Variants in ANKRD36 observed in about 807,000 individuals in gnomAD.
The protein encoded by ANKRD36 is ankyrin repeat domain-containing protein 36A.
ANKRD36 carries 179 observed loss-of-function variants against 278.1 expected under a neutral mutation model. That is an observed-to-expected ratio of 0.64 (90% confidence interval 0.57 to 0.73). The LOEUF is 0.73. ANKRD36 is among the 30% of genes least tolerant of loss of function. The pLI, the probability that ANKRD36 is intolerant of heterozygous loss-of-function variation, is 0.00. For synonymous variants in ANKRD36, 320 were observed against 641.1 expected (o/e 0.50, Z 7.57); for missense variants, 1,159 against 1,956.7 (o/e 0.59, Z 7.69).
chr2:97,158,058 A>C (rs2047915422), intron 15 of ANKRD36, 49 bp from the exon 16 acceptor site: 1 of 1,362,890 alleles, frequency 7.3e-7, no homozygotes, highest in Non-Finnish European at 1.0e-6. Context: ...GGCAATTATC[A>C]TTATTTTAAC....
intron 42 of ANKRD36, 59 bp from the exon 43 acceptor site, chr2:97,198,404 G>C: frequency 6.4e-7 from 1 of 1,554,502 alleles, no homozygotes; most frequent in African/African-American, 1.4e-5. Flanking sequence ...CTGTATGAAT[G>C]TATGGATAAT....
intron 34 of ANKRD36, 30 bp from the exon 35 acceptor site, chr2:97,190,948 A>G: frequency 3.1e-6 from 5 of 1,601,086 alleles, no homozygotes; most frequent in Non-Finnish European, 4.3e-6. Flanking sequence ...TTTATATATG[A>G]GTGATTATGT....
intron 36 of ANKRD36, among the ~76,000 whole-genome samples, chr2:97,191,780 T>C (rs1336543524): frequency 6.6e-6 from 1 of 151,662 alleles, no homozygotes; most frequent in Non-Finnish European, 1.5e-5. Flanking sequence ...CACAAGGAAA[T>C]ACTGGAAGTG....
In ANKRD36 at chr2:97,118,068, G is replaced by A. The variant is rs571299992; in HGVS notation, c.202G>A (p.Ala68Thr). The change falls in exon 2 of 76, where the codon GCC becomes ACC. Residue 68 changes from alanine (A) to threonine (T), a missense_variant. Transcript: ENST00000420699. ...AAAGTCCTGTCACTCTCACAGGACC[G>A]CCCTACATTTGGCCTGTGCCACTGG... ...ANKRDRKERT[A>T]LHLACATGQP... 5.0e-4 allele frequency: 781 copies of A among 1,553,382 alleles called. 33 individuals are homozygous for A. In the Admixed American group the frequency reaches 0.013, roughly 26 times the overall value.
At chr2:97,199,916 A>G (rs1304264012) in intron 44 of ANKRD36, among the ~76,000 whole-genome samples, 1 of 151,894 alleles carries the variant, frequency 6.6e-6, no homozygotes, top group Non-Finnish European at 1.5e-5. Context: ...AGCATGATGA[A>G]TGTTTGCAGT....
At chr2:97,138,686 T>C (rs2042135725) in intron 6 of ANKRD36, among the ~76,000 whole-genome samples, 1 of 152,008 alleles carries the variant, frequency 6.6e-6, no homozygotes, top group Admixed American at 6.6e-5. Flanking sequence ...CTTCAAAATA[T>C]ACTACAAGGC....
intron 67 of ANKRD36, among the ~76,000 whole-genome samples, chr2:97,228,017 G>A (rs1301849283): frequency 8.5e-5 from 13 of 152,100 alleles, no homozygotes; most frequent in African/African-American, 4.8e-5. Flanking sequence ...GCTTTTTGAT[G>A]TGCTGCTGGA....
At chr2:97,220,172 A>C (rs2067022931) in intron 66 of ANKRD36, among the ~76,000 whole-genome samples, 1 of 147,830 alleles carries the variant, frequency 6.8e-6, no homozygotes, top group Admixed American at 6.8e-5. Flanking sequence ...ACAGGCATAC[A>C]ATGTGTAATA....
intron 67 of ANKRD36, among the ~76,000 whole-genome samples, chr2:97,227,035 AG>A (rs1356737946): frequency 2.0e-5 from 3 of 152,110 alleles, no homozygotes; most frequent in African/African-American, 7.2e-5. Flanking sequence ...GTAGCCTTGT[AG>A]TATAGTTTGA....
At chr2:97,127,867 CT>C (rs931854219) in intron 6 of ANKRD36, among the ~76,000 whole-genome samples, 1 of 151,704 alleles carries the variant, frequency 6.6e-6, no homozygotes, top group African/African-American at 2.4e-5. Context: ...TTGATAGGGA[CT>C]TTTTTTTCCT....
intron 60 of ANKRD36, among the ~76,000 whole-genome samples, chr2:97,213,929 G>A (rs1459043616): frequency 2.0e-5 from 3 of 151,620 alleles, no homozygotes; most frequent in Non-Finnish European, 2.9e-5. Flanking sequence ...AAGGGTAGAA[G>A]GAGAAAGACA....
chr2:97,223,712 G>GA (rs1231494281), intron 66 of ANKRD36, among the ~76,000 whole-genome samples: 1 of 117,336 alleles, frequency 8.5e-6, no homozygotes, highest in Non-Finnish European at 1.7e-5. Flanking sequence ...AATTGAATCT[G>GA]AAGTATTGCA....
chr2:97,164,555 TC>T (rs1274224001), intron 20 of ANKRD36, 86 bp downstream of exon 20: 1 of 1,422,990 alleles, frequency 7.0e-7, no homozygotes, highest in Non-Finnish European at 9.5e-7. Context: ...CCACTTTTTA[TC>T]CAAGTGAGAT....
intron 32 of ANKRD36, among the ~76,000 whole-genome samples, chr2:97,187,996 G>A (rs1420222334): frequency 6.6e-6 from 1 of 151,636 alleles, no homozygotes; most frequent in African/African-American, 2.4e-5. Flanking sequence ...TTTGATTTTG[G>A]CAGCTCCAGG....
intron 42 of ANKRD36, among the ~76,000 whole-genome samples, chr2:97,198,102 G>A (rs2060295286): frequency 2.0e-5 from 3 of 151,888 alleles, no homozygotes; most frequent in Non-Finnish European, 2.9e-5. Flanking sequence ...AGACATGTGG[G>A]TACATGTAGC....
In ANKRD36 at chr2:97,199,698, G is replaced by A. The variant is rs1219881319; in HGVS notation, c.2756-636G>A. ...GCCAAGAGTGGATGAAGAAACTTTCGGAAGGGTAAACTAGTGGATACAAGA... is the reference window on the plus strand; with the variant it reads ...GCCAAGAGTGGATGAAGAAACTTTCAGAAGGGTAAACTAGTGGATACAAGA... On this transcript the variant is annotated intron_variant, in intron 44 of 75. Coordinates refer to ENST00000420699, the MANE Select transcript of ANKRD36 (RefSeq NM_001354587.1). 4.6e-5 allele frequency among the ~76,000 whole-genome samples: 7 copies of A among 151,852 alleles called. 1 individual carries two copies. Among genetic ancestry groups the A allele is most frequent in the Admixed American group, 2.0e-4 (3 of 15,210 alleles).
chr2:97,219,868 G>A (rs562085004), intron 66 of ANKRD36, among the ~76,000 whole-genome samples: 4 of 144,744 alleles, frequency 2.8e-5, no homozygotes, highest in East Asian at 2.1e-4. Context: ...AGTTTTTAGC[G>A]AATTAAAGAG....
At chr2:97,231,035 G>C (rs1288627281) in intron 67 of ANKRD36, among the ~76,000 whole-genome samples, 24 of 152,216 alleles carry the variant, frequency 1.6e-4, no homozygotes, top group African/African-American at 5.1e-4. Context: ...TGTGTGAGGT[G>C]TCAGTCTGCC....
chr2:97,158,204 T>G, intron 16 of ANKRD36, 37 bp downstream of exon 16: 1 of 1,398,278 alleles, frequency 7.2e-7, no homozygotes, highest in South Asian at 1.3e-5. Flanking sequence ...TATTATCTAC[T>G]GAATCTTTTT....
Sources: allele counts gnomAD v4.1 joint callset (sites outside exome capture counted in the v4.1 genomes callset), GRCh38; gene constraint gnomAD v4.1.1; transcripts MANE v1.5; gene names NCBI Gene and HGNC (gene_info 2026-07-23, HGNC 2026-07-21).